Variants in CRYL1 observed in about 807,000 individuals in gnomAD.
CRYL1 encodes crystallin lambda 1.
CRYL1 carries 29 observed loss-of-function variants against 36.6 expected under a neutral mutation model. The ratio of observed to expected loss-of-function variants is 0.79; its 90% CI spans 0.59 to 1.08. CRYL1 has a LOEUF of 1.08. Among genes scored for constraint, CRYL1 ranks in the 50% least tolerant of loss-of-function variants. The pLI is 0.00. For synonymous variants in CRYL1, 152 were observed against 151.5 expected, an observed-to-expected ratio of 1.00 and a Z score of -0.02; for missense variants, 411 against 407.9, an observed-to-expected ratio of 1.01 and a Z score of -0.06.
At chr13:20,475,195 C>T (rs932789788) in intron 3 of CRYL1, among the ~76,000 whole-genome samples, 8 of 152,120 alleles carry the variant, frequency 5.3e-5, no homozygotes, top group South Asian at 2.1e-4. Context: ...TCAGGAGCAC[C>T]GGGAAGAGGG....
intron 2 of CRYL1, among the ~76,000 whole-genome samples, chr13:20,500,368 T>C (rs2033681699): frequency 6.6e-6 from 1 of 152,212 alleles, no homozygotes; most frequent in African/African-American, 2.4e-5. Flanking sequence ...TGGCAATGTG[T>C]TTGTTTGCAT....
intron 3 of CRYL1, among the ~76,000 whole-genome samples, chr13:20,484,924 CAT>C (rs1008209908): frequency 1.3e-5 from 2 of 152,120 alleles, no homozygotes; most frequent in South Asian, 2.1e-4. Flanking sequence ...CTTTAACAAA[CAT>C]GTGGGGCAGC....
At chr13:20,457,052 G>A (rs2032708211) in intron 3 of CRYL1, among the ~76,000 whole-genome samples, 1 of 152,154 alleles carries the variant, frequency 6.6e-6, no homozygotes, top group Non-Finnish European at 1.5e-5. Context: ...AAGGATTCCA[G>A]CTTCCAGTCC....
At chr13:20,515,670 A>G (rs998812935) in intron 1 of CRYL1, 1 of 152,198 alleles carries the variant, frequency 6.6e-6, no homozygotes, top group Non-Finnish European at 1.5e-5. Flanking sequence ...ACATTTTGCC[A>G]AATGAAATAA....
chr13:20,428,882 T>C (rs895987552), intron 5 of CRYL1, among the ~76,000 whole-genome samples: 1 of 152,102 alleles, frequency 6.6e-6, no homozygotes, highest in African/African-American at 2.4e-5. Context: ...CTGAACCAAG[T>C]CACCTGGCAC....
At chr13:20,462,484 C>T (rs2032851403) in intron 3 of CRYL1, among the ~76,000 whole-genome samples, 1 of 147,416 alleles carries the variant, frequency 6.8e-6, no homozygotes. Context: ...ATTTTCTTGG[C>T]AGCCCCCATT....
intron 3 of CRYL1, among the ~76,000 whole-genome samples, chr13:20,477,971 T>TTA (rs10683682): frequency 0.094 from 10,660 of 113,920 alleles, 1,057 homozygotes; most frequent in African/African-American, 0.24. Context: ...TATTACGTAG[T>TTA]TATATATATA....
At chr13:20,511,815 C>T (rs931139652) in intron 2 of CRYL1, among the ~76,000 whole-genome samples, 5 of 152,218 alleles carry the variant, frequency 3.3e-5, no homozygotes, top group African/African-American at 7.2e-5. Context: ...CCCTCACTCT[C>T]AGCCTTTCTT....
intron 3 of CRYL1, among the ~76,000 whole-genome samples, chr13:20,444,910 G>A (rs2032423036): frequency 6.6e-6 from 1 of 152,152 alleles, no homozygotes; most frequent in South Asian, 2.1e-4. Context: ...TAGAGACGGG[G>A]TTTCAGCATG....
At chr13:20,426,274 C>T (rs2031932825) in intron 5 of CRYL1, among the ~76,000 whole-genome samples, 1 of 100,360 alleles carries the variant, frequency 1.0e-5, no homozygotes, top group African/African-American at 3.6e-5. Context: ...AACTGTCTAT[C>T]TTTATTTAAA....
At chr13:20,491,459 A>G (rs920561252) in intron 2 of CRYL1, among the ~76,000 whole-genome samples, 2 of 152,270 alleles carry the variant, frequency 1.3e-5, no homozygotes, top group South Asian at 4.1e-4. Flanking sequence ...GCATTTTCAA[A>G]TTTTCATATA....
chr13:20,418,245 T>C (rs1202321635), intron 5 of CRYL1, among the ~76,000 whole-genome samples: 1 of 152,216 alleles, frequency 6.6e-6, no homozygotes, highest in East Asian at 1.9e-4. Context: ...CGCTCTAGCC[T>C]GGCCGAGCTG....
At chr13:20,488,672 T>C (rs903753029) in intron 3 of CRYL1, among the ~76,000 whole-genome samples, 6 of 152,236 alleles carry the variant, frequency 3.9e-5, no homozygotes, top group African/African-American at 1.4e-4. Context: ...GAATAATGAC[T>C]CTTTTAGCTT....
In CRYL1 at chr13:20,503,683, G is replaced by A. The variant is rs1301860719; in HGVS notation, c.149+8760C>T. On this transcript the variant is annotated intron_variant, in intron 2 of 7. Transcript: ENST00000298248. Reference sequence around the variant, plus strand: ...TGCACAGGGGAGTGCAGACAGAGACGGGAACAATTTGTGACCATACTCAGT... The same window carrying A: ...TGCACAGGGGAGTGCAGACAGAGACAGGAACAATTTGTGACCATACTCAGT... 6.6e-5 allele frequency among the ~76,000 whole-genome samples: 10 copies of A among 152,174 alleles called. No homozygotes were observed. The East Asian group carries it at 1.2e-3, about 18-fold the overall frequency.
intron 6 of CRYL1, among the ~76,000 whole-genome samples, chr13:20,412,818 T>A (rs2031558112): frequency 6.6e-6 from 1 of 152,116 alleles, no homozygotes. Context: ...GTGGAAGCCC[T>A]CCCTCACTAT....
intron 4 of CRYL1, among the ~76,000 whole-genome samples, chr13:20,437,539 C>T (rs1379281213): frequency 6.6e-6 from 1 of 152,118 alleles, no homozygotes; most frequent in Non-Finnish European, 1.5e-5. Flanking sequence ...GATCTCCTGA[C>T]CTCCTAATCC....
chr13:20,512,176 CT>C (rs1313110092), intron 2 of CRYL1, among the ~76,000 whole-genome samples: 3 of 152,234 alleles, frequency 2.0e-5, no homozygotes, highest in African/African-American at 7.2e-5. Context: ...GGGCAAACAG[CT>C]GGAGAAGCCT....
At chr13:20,434,882 C>T (rs910181813) in intron 4 of CRYL1, among the ~76,000 whole-genome samples, 16 of 151,608 alleles carry the variant, frequency 1.1e-4, no homozygotes, top group African/African-American at 3.9e-4. Context: ...AAAATCATTG[C>T]CACTGCCACC....
At chr13:20,517,340 C>T (rs1456772557) in intron 1 of CRYL1, among the ~76,000 whole-genome samples, 1 of 152,106 alleles carries the variant, frequency 6.6e-6, no homozygotes, top group Non-Finnish European at 1.5e-5. Context: ...GTGGCTCACA[C>T]CTGTAACCCT....
Sources: gnomAD v4.1 joint callset for allele counts (sites outside exome capture counted in the v4.1 genomes callset) on GRCh38, gnomAD v4.1.1 for gene constraint, MANE v1.5 for transcripts, NCBI Gene and HGNC (gene_info 2026-07-23, HGNC 2026-07-21) for gene names.